PRKG1: variants seen among roughly 807,000 people sequenced by gnomAD.
The protein encoded by PRKG1 is protein kinase cGMP-dependent 1.
Under a neutral mutation model 88.1 loss-of-function variants are expected in PRKG1, and 35 were observed. The observed-to-expected ratio is 0.40, with a 90% CI of 0.30 to 0.53. The LOEUF (loss-of-function observed/expected upper bound fraction) is 0.53, where lower values mean the gene tolerates loss of function less well. PRKG1 is among the 20% of genes least tolerant of loss of function. The probability of loss-of-function intolerance (pLI) is 0.59; values close to 1 mark genes in which losing one functional copy is unlikely to be tolerated. For synonymous variants in PRKG1, 303 were observed against 292.5 expected, an observed-to-expected ratio of 1.04 and a Z score of -0.37; for missense variants, 540 against 839.8, an observed-to-expected ratio of 0.64 and a Z score of 4.41.
intron 3 of PRKG1, among the ~76,000 whole-genome samples, chr10:51,496,571 A>G (rs1840862288): frequency 1.3e-5 from 2 of 152,176 alleles, no homozygotes; most frequent in Admixed American, 6.5e-5. Flanking sequence ...ATAACATTTA[A>G]TGCCCTTTAC....
intron 7 of PRKG1, among the ~76,000 whole-genome samples, chr10:52,096,241 T>C (rs1047812971): frequency 2.6e-4 from 40 of 152,210 alleles, no homozygotes; most frequent in Non-Finnish European, 5.9e-5. Context: ...ATCAACCTAA[T>C]GTTTATAAGC....
chr10:52,054,583 C>G lies in PRKG1; in HGVS notation c.840+22C>G, dbSNP rs369203562. On this transcript the variant is annotated intron_variant, in intron 6 of 17. Transcript: ENST00000373980. ...AACGGTAAGCTTTGGTGGCACAAGA[C>G]AGTGATGCACTAGGGGAGCCTGGGG... 3 of 1,605,218 alleles carry G rather than the reference C, an allele frequency of 1.9e-6. No homozygotes were observed. In the South Asian group the frequency reaches 3.3e-5, roughly 18 times the overall value.
At chr10:51,823,296 A>G (rs894027882) in intron 4 of PRKG1, among the ~76,000 whole-genome samples, 3 of 152,176 alleles carry the variant, frequency 2.0e-5, no homozygotes, top group African/African-American at 7.2e-5. Flanking sequence ...GGAAGCATGG[A>G]TAGATCCATG....
intron 2 of PRKG1, among the ~76,000 whole-genome samples, chr10:51,263,089 A>T (rs975214000): frequency 6.6e-6 from 1 of 152,162 alleles, no homozygotes; most frequent in Non-Finnish European, 1.5e-5. Context: ...TACTGTTCCT[A>T]AAAAATCACA....
At chr10:51,098,175 A>T (rs556055608) in intron 1 of PRKG1, among the ~76,000 whole-genome samples, 1 of 152,160 alleles carries the variant, frequency 6.6e-6, no homozygotes, top group Non-Finnish European at 1.5e-5. Flanking sequence ...GTTTATGAGC[A>T]TGGCCCTTGA....
intron 7 of PRKG1, among the ~76,000 whole-genome samples, chr10:52,119,213 T>C (rs1047536928): frequency 6.6e-6 from 1 of 152,136 alleles, no homozygotes; most frequent in Non-Finnish European, 1.5e-5. Flanking sequence ...CTCAAGAGCA[T>C]TGAAGACCAT....
chr10:51,162,113 C>T (rs1472899964), intron 2 of PRKG1, among the ~76,000 whole-genome samples: 1 of 152,038 alleles, frequency 6.6e-6, no homozygotes, highest in Non-Finnish European at 1.5e-5. Context: ...AATATCCATC[C>T]CTCTAATGAG....
At chr10:51,515,109 G>A (rs1299793524) in intron 3 of PRKG1, among the ~76,000 whole-genome samples, 2 of 151,880 alleles carry the variant, frequency 1.3e-5, no homozygotes, top group African/African-American at 2.4e-5. Flanking sequence ...GGAATAAATC[G>A]ATTTATATAA....
chr10:51,046,976 C>T (rs1035202546), intron 1 of PRKG1, among the ~76,000 whole-genome samples: 3 of 152,188 alleles, frequency 2.0e-5, no homozygotes, highest in Non-Finnish European at 2.9e-5. Flanking sequence ...CGGAAATATC[C>T]ATGTTCTTTT....
intron 5 of PRKG1, among the ~76,000 whole-genome samples, chr10:51,919,754 T>C (rs1680949045): frequency 6.6e-6 from 1 of 152,154 alleles, no homozygotes; most frequent in South Asian, 2.1e-4. Context: ...TTGTACAGTT[T>C]GTACTACAAA....
chr10:51,884,452 A>AAAAG (rs2132887823), intron 4 of PRKG1, among the ~76,000 whole-genome samples: 1 of 144,122 alleles, frequency 6.9e-6, no homozygotes, highest in African/African-American at 2.6e-5. Flanking sequence ...CTCAAAAAAA[A>AAAAG]AAAAAAAAAA....
At chr10:52,045,403 T>C (rs1011812748) in intron 5 of PRKG1, among the ~76,000 whole-genome samples, 4 of 152,180 alleles carry the variant, frequency 2.6e-5, no homozygotes, top group Non-Finnish European at 5.9e-5. Context: ...ACAAATGCCT[T>C]GTAGCTAGAA....
At chr10:51,746,312 A>C (rs1157011509) in intron 3 of PRKG1, among the ~76,000 whole-genome samples, 4 of 152,024 alleles carry the variant, frequency 2.6e-5, no homozygotes, top group Non-Finnish European at 5.9e-5. Context: ...TAAAAAAAAA[A>C]AAAACTCCCT....
At chr10:51,946,392 GC>G in intron 5 of PRKG1, among the ~76,000 whole-genome samples, 1 of 151,926 alleles carries the variant, frequency 6.6e-6, no homozygotes, top group East Asian at 1.9e-4. Flanking sequence ...CAGCTTCTTT[GC>G]CTTTGGTTTG....
rs553483666 is a variant in PRKG1, at chr10:51,277,457, T to C, written c.478+124127T>C. ...CTTGGCAATGTGGGCTCTTTTTTGGTTCCATATGAACTTTAAAGTAGTTTT... is the reference window on the plus strand; with the variant it reads ...CTTGGCAATGTGGGCTCTTTTTTGGCTCCATATGAACTTTAAAGTAGTTTT... On this transcript the variant is annotated intron_variant, in intron 2 of 17. Coordinates refer to ENST00000373980, the MANE Select transcript of PRKG1 (RefSeq NM_006258.4). Among the ~76,000 whole-genome samples the C allele has an allele frequency of 5.3e-5, 8 of 151,432 alleles. 1 individual carries two copies. The highest frequency in any genetic ancestry group is 5.3e-4 in the Admixed American group (8 of 15,182).
intron 2 of PRKG1, among the ~76,000 whole-genome samples, chr10:51,241,290 G>T (rs146470821): frequency 5.4e-4 from 81 of 150,930 alleles, no homozygotes; most frequent in African/African-American, 1.9e-3. Flanking sequence ...TGTGGAGCTA[G>T]CTCATTTGCT....
At chr10:51,887,208 C>T (rs1031964012) in intron 4 of PRKG1, among the ~76,000 whole-genome samples, 75 of 152,144 alleles carry the variant, frequency 4.9e-4, no homozygotes, top group African/African-American at 1.7e-3. Flanking sequence ...TGGCCTCGAA[C>T]GCCTGGCCTC....
At chr10:52,007,449 A>C (rs1416545880) in intron 5 of PRKG1, among the ~76,000 whole-genome samples, 1 of 152,204 alleles carries the variant, frequency 6.6e-6, no homozygotes, top group Non-Finnish European at 1.5e-5. Context: ...AAAGCAAAGA[A>C]AACACAGAAT....
chr10:51,267,697 C>G (rs1203814361), intron 2 of PRKG1, among the ~76,000 whole-genome samples: 1 of 151,974 alleles, frequency 6.6e-6, no homozygotes. Flanking sequence ...GGCCTGAAAC[C>G]CTAAAAATTC....
Sources: allele counts gnomAD v4.1 joint callset (sites outside exome capture counted in the v4.1 genomes callset), GRCh38; gene constraint gnomAD v4.1.1; transcripts MANE v1.5; gene names NCBI Gene and HGNC (gene_info 2026-07-23, HGNC 2026-07-21).